Variants in NOL12 observed in about 807,000 individuals in gnomAD.
NOL12 encodes nucleolar protein 12.
NOL12 carries 21 observed loss-of-function variants against 25.2 expected under a neutral mutation model. The observed-to-expected ratio is 0.83, with a 90% confidence interval of 0.59 to 1.20. NOL12 has a LOEUF of 1.20. NOL12 is among the 50% of genes most tolerant of loss of function. The pLI is 0.00. For synonymous variants in NOL12, 133 were observed against 113.8 expected (o/e 1.17, Z -1.08); for missense variants, 286 against 287.6 (o/e 0.99, Z 0.04).
Position 37,692,779 on chromosome 22 carries a change from C to T in NOL12, c.*1443C>T. 2.5e-6 allele frequency: 1 copy of T among 398,570 alleles called. No individual in the cohort carries two copies. The highest frequency in any genetic ancestry group is 4.4e-6 in the Non-Finnish European group (1 of 226,250). The allele number at this position is 398,570 out of a possible 1,614,324, so 24.7% of individuals were successfully genotyped here. On this transcript the variant is annotated 3_prime_UTR_variant, in exon 6 of 6. Transcript: ENST00000359114. ...AGGGTCTGCAGGGCTGTCCTCTCTC[C>T]ACAGCCAACAGCCAGGCCTTACAGT...
Position 37,691,301 on chromosome 22 carries a change from C to A in NOL12, c.607C>A (p.Arg203Ser), listed in dbSNP as rs138552438. ...TCGTACCAGCAAGGCCCAGCGCCGC[C>A]GTCTCACAGGCAAAGCACGGCACAG... ...APRTSKAQRRRLTGKARHSGE is the reference protein window; with the variant it reads ...APRTSKAQRRSLTGKARHSGE Residue 203 changes from arginine to serine, a missense_variant, in exon 6 of 6, where the codon CGT (arginine) becomes AGT (serine). Coordinates refer to ENST00000359114, the MANE Select transcript of NOL12 (RefSeq NM_024313.3). 3 of 1,613,596 alleles carry A rather than the reference C, an allele frequency of 1.9e-6. No individual in the cohort carries two copies. The highest frequency in any genetic ancestry group is 8.5e-7 in the Non-Finnish European group (1 of 1,179,778).
At chr22:37,686,724 G>A in intron 1 of NOL12, 1 of 985,444 alleles carries the variant, frequency 1.0e-6, no homozygotes, top group Non-Finnish European at 1.2e-6. Context: ...GGGTCTCAGA[G>A]CAGTGGCTTC....
chr22:37,689,068 CA>C, intron 4 of NOL12, 76 bp downstream of exon 4: 1 of 1,527,768 alleles, frequency 6.5e-7, no homozygotes, highest in Non-Finnish European at 8.9e-7. Flanking sequence ...AGTGCTGGCC[CA>C]TGTCATGGGT....
At chr22:37,688,051 T>G in intron 2 of NOL12, 36 bp downstream of exon 2, 2 of 1,504,620 alleles carry the variant, frequency 1.3e-6, no homozygotes, top group Non-Finnish European at 1.8e-6. Context: ...GGTCTTTGAT[T>G]CTTAGGGCAC....
chr22:37,686,508 A>G lies in NOL12; in HGVS notation c.83+33A>G. ...GCAAAGCCGGACCGGACTCCCCTCG[A>G]GCTGTTCTTCGCGGCCAAGGCCAGG... On this transcript the variant is annotated intron_variant, in intron 1 of 5. Transcript: ENST00000359114. 3 of 1,556,410 alleles carry G rather than the reference A, an allele frequency of 1.9e-6. No homozygotes were observed. In the South Asian group the frequency reaches 3.6e-5, roughly 19 times the overall value.
chr22:37,692,818 T>G lies in NOL12; in HGVS notation c.*1482T>G, dbSNP rs1479779600. 2 of 397,918 alleles carry G rather than the reference T, an allele frequency of 5.0e-6. No individual in the cohort carries two copies. The highest frequency in any genetic ancestry group is 7.1e-5 in the East Asian group (2 of 28,078). The allele number at this position is 397,918 out of a possible 1,614,324, so 24.6% of individuals were successfully genotyped here. A position where few individuals can be genotyped will look rare whatever the true frequency, so the allele number is the denominator to read the frequency against. ...AGGCCTTACAGTGGGGCAGGCTTAGTGACTGTGCCTCAGTTATGCTGTACC... is the reference window on the plus strand; with the variant it reads ...AGGCCTTACAGTGGGGCAGGCTTAGGGACTGTGCCTCAGTTATGCTGTACC... On this transcript the variant is annotated 3_prime_UTR_variant, in exon 6 of 6. Coordinates refer to ENST00000359114, the MANE Select transcript of NOL12 (RefSeq NM_024313.3).
rs1015448973 is a variant in NOL12 at position 37,693,331 on chromosome 22, G to A, written c.*1995G>A. The A allele has an allele frequency of 2.0e-5, 3 of 152,634 alleles. No homozygotes were observed. The highest frequency in any genetic ancestry group is 7.2e-5 in the African/African-American group (3 of 41,442). 9.5% of individuals were successfully genotyped at this position (152,634 alleles called of 1,614,324 possible). On this transcript the variant is annotated 3_prime_UTR_variant, in exon 6 of 6. Coordinates refer to ENST00000359114, the MANE Select transcript of NOL12 (RefSeq NM_024313.3). The stretch of plus-strand genomic sequence containing the variant: ...TTACCAAAGTGCCTGTTGCTCTCCA[G>A]GTGTGCCTACCGCATGTTGCCGCTG...
intron 1 of NOL12, chr22:37,686,960 A>G (rs1569023962): frequency 2.0e-6 from 2 of 985,448 alleles, no homozygotes; most frequent in African/African-American, 3.5e-5. Context: ...GGGTCAGCGA[A>G]AAGCCCAGTG....
chr22:37,687,824 C>T (rs1379045359), intron 1 of NOL12, 86 bp from the exon 2 acceptor site: 6 of 963,134 alleles, frequency 6.2e-6, no homozygotes, highest in African/African-American at 1.6e-5. Flanking sequence ...ACATAGTGAG[C>T]GCGGCATTAG....
Position 37,691,640 on chromosome 22 carries a change from T to A in NOL12, c.*304T>A. ...GGCACTCATCAGATTTGTGCGCTTG[T>A]GATTTGTTTGTCCTTGATACCACGC... is the stretch of plus-strand genomic sequence containing the variant. On this transcript the variant is annotated 3_prime_UTR_variant, in exon 6 of 6. Coordinates refer to ENST00000359114, the MANE Select transcript of NOL12 (RefSeq NM_024313.3). 1.6e-4 allele frequency: 25 copies of A among 157,846 alleles called. No homozygotes were observed. The highest frequency in any genetic ancestry group is 2.1e-4 in the South Asian group (1 of 4,782). 9.8% of individuals were successfully genotyped at this position (157,846 alleles called of 1,614,324 possible). A position where few individuals can be genotyped will look rare whatever the true frequency, so the allele number is the denominator to read the frequency against.
Position 37,686,417 on chromosome 22 carries a change from C to G in NOL12, c.25C>G (p.Arg9Gly). The G allele has an allele frequency of 6.2e-7, 1 of 1,605,460 alleles. No homozygotes were observed. The highest frequency in any genetic ancestry group is 1.1e-5 in the South Asian group (1 of 89,668). The change falls in exon 1 of 6, where the codon CGA becomes GGA. Residue 9 changes from arginine (R) to glycine (G), a missense_variant. Transcript: ENST00000359114. The stretch of plus-strand genomic sequence containing the variant: ...TATGGGCCGCAACAAGAAGAAGAAG[C>G]GAGATGGTGACGACCGGCGGCCGAG... MGRNKKKK[R>G]DGDDRRPRLV... is the part of the protein sequence containing the mutation.
Position 37,691,778 on chromosome 22 carries a change from C to T in NOL12, c.*442C>T, listed in dbSNP as rs184724555. On this transcript the variant is annotated 3_prime_UTR_variant, in exon 6 of 6. Coordinates refer to ENST00000359114, the MANE Select transcript of NOL12 (RefSeq NM_024313.3). ...GTTCTCCCTGTGTTAAGATCCTAAC[C>T]AGGGTTAAGGATCAGTGTGTCCGTT... 149 of 158,260 alleles carry T rather than the reference C, an allele frequency of 9.4e-4. 1 individual carries two copies. In the Middle Eastern group the frequency reaches 0.013, roughly 13 times the overall value. The allele number at this position is 158,260 out of a possible 1,614,324, so 9.8% of individuals were successfully genotyped here.
chr22:37,688,455 C>A, intron 3 of NOL12, 95 bp downstream of exon 3: 2 of 1,369,202 alleles, frequency 1.5e-6, no homozygotes, highest in Non-Finnish European at 2.1e-6. Context: ...CTCCTTGGCC[C>A]TAGGGATCTT....
rs370702357 is a variant in NOL12 at position 37,686,343 on chromosome 22, G to A, written c.-50G>A. 4.4e-5 allele frequency: 68 copies of A among 1,544,366 alleles called. No individual in the cohort carries two copies. In the African/African-American group the frequency reaches 7.9e-4, roughly 18 times the overall value. The stretch of plus-strand genomic sequence containing the variant: ...AGTGTGCGCCCGGGAGGATGAGTAC[G>A]CTACACCCGGAAGTGTCTTCAGGGA... On this transcript the variant is annotated 5_prime_UTR_variant, in exon 1 of 6. Coordinates refer to ENST00000359114, the MANE Select transcript of NOL12 (RefSeq NM_024313.3).
rs905134991 is a variant in NOL12 at position 37,689,798 on chromosome 22, C to T, written c.381+806C>T. Reference sequence around the variant, plus strand: ...ATCCCGGCATTTTGGGAGGCCAAGGCGGGCGTTATCACCTGGGGTCAGGAG... The same window carrying T: ...ATCCCGGCATTTTGGGAGGCCAAGGTGGGCGTTATCACCTGGGGTCAGGAG... On this transcript the variant is annotated intron_variant, in intron 4 of 5. Transcript: ENST00000359114. Among the ~76,000 whole-genome samples, 14 of 152,186 alleles carry T rather than the reference C, an allele frequency of 9.2e-5. 1 individual carries two copies. The highest frequency in any genetic ancestry group is 1.9e-4 in the Non-Finnish European group (13 of 68,032).
At chr22:37,689,383 C>T (rs1921964605) in intron 4 of NOL12, among the ~76,000 whole-genome samples, 1 of 152,184 alleles carries the variant, frequency 6.6e-6, no homozygotes. Flanking sequence ...AGTCACCTGG[C>T]ACAGTGCCCA....
rs1485212905 is a variant in NOL12 at position 37,691,829 on chromosome 22, C to G, written c.*493C>G. The G allele has an allele frequency of 1.3e-5, 2 of 153,408 alleles. No homozygotes were observed. Among genetic ancestry groups the G allele is most frequent in the African/African-American group, 4.8e-5 (2 of 41,496 alleles). 9.5% of individuals were successfully genotyped at this position (153,408 alleles called of 1,614,324 possible). A position where few individuals can be genotyped will look rare whatever the true frequency, so the allele number is the denominator to read the frequency against. ...GCTAGAATCCAGAGCCCACCTGCTG[C>G]TCTGAAAAGCAGGCTCCTGAGGCCA... is the stretch of plus-strand genomic sequence containing the variant. On this transcript the variant is annotated 3_prime_UTR_variant, in exon 6 of 6. Transcript: ENST00000359114.
In NOL12 at chr22:37,692,392, T is replaced by G. The variant is rs914011252; in HGVS notation, c.*1056T>G. On this transcript the variant is annotated 3_prime_UTR_variant, in exon 6 of 6. Transcript: ENST00000359114. ...AAAAATAAAGCAGTTGCATCTTGAC[T>G]CGTACAAAAGTAGCCCCCACCAGAG... 1.1e-4 allele frequency: 44 copies of G among 398,206 alleles called. No individual in the cohort carries two copies. In the East Asian group the frequency reaches 1.5e-3, roughly 14 times the overall value. The allele number at this position is 398,206 out of a possible 1,614,324, so 24.7% of individuals were successfully genotyped here.
intron 2 of NOL12, 120 bp downstream of exon 2, chr22:37,688,135 T>C (rs1473213067): frequency 3.7e-6 from 4 of 1,076,958 alleles, no homozygotes; most frequent in Admixed American, 4.1e-5. Context: ...GACTGGGGAA[T>C]AGTTTATACA....
Sources: gnomAD v4.1 joint callset for allele counts (sites outside exome capture counted in the v4.1 genomes callset) on GRCh38, gnomAD v4.1.1 for gene constraint, MANE v1.5 for transcripts, NCBI Gene and HGNC (gene_info 2026-07-23, HGNC 2026-07-21) for gene names.